LHFPL3: variants seen among roughly 807,000 people sequenced by gnomAD.
LHFPL3 encodes LHFPL tetraspan subfamily member 3 protein.
A neutral mutation model predicts 19.3 loss-of-function variants in LHFPL3; 5 were observed. That is an observed-to-expected ratio of 0.26 (90% CI 0.14 to 0.54). The LOEUF (loss-of-function observed/expected upper bound fraction) is 0.54. Ranked by LOEUF, LHFPL3 falls within the 20% of genes least tolerant of loss-of-function variation. LHFPL3 has a pLI of 0.94. For synonymous variants in LHFPL3, 133 were observed against 126.2 expected, an observed-to-expected ratio of 1.05 and a Z score of -0.36; for missense variants, 249 against 307.4, an observed-to-expected ratio of 0.81 and a Z score of 1.42.
chr7:104,710,662 A>G (rs1793285184), intron 1 of LHFPL3, among the ~76,000 whole-genome samples: 1 of 152,174 alleles, frequency 6.6e-6, no homozygotes, highest in Non-Finnish European at 1.5e-5. Context: ...TTTCTATAAA[A>G]TGGGGGTAAT....
In LHFPL3 at chr7:104,898,006, C is replaced by CT. The variant is rs71155536; in HGVS notation, c.683-8160dup. On this transcript the variant is annotated intron_variant, in intron 2 of 2. Coordinates refer to ENST00000424859, the MANE Select transcript of LHFPL3 (RefSeq NM_199000.3). Reference sequence around the variant, plus strand: ...CTGCTGACAGAAAGAAATGTCACCCCTTTTTTTTTTTTTTTTTTTTTGATA... The same window carrying CT: ...CTGCTGACAGAAAGAAATGTCACCCCTTTTTTTTTTTTTTTTTTTTTTGATA... Among the ~76,000 whole-genome samples the CT allele has an allele frequency of 4.6e-3, 449 of 96,784 alleles. 7 individuals carry two copies. Among genetic ancestry groups the CT allele is most frequent in the Middle Eastern group, 0.015 (2 of 132 alleles). The allele number at this position is 96,784 out of a possible 152,430, so 63.5% of individuals were successfully genotyped here.
At chr7:104,385,455 C>T (rs1226384888) in intron 1 of LHFPL3, among the ~76,000 whole-genome samples, 2 of 152,144 alleles carry the variant, frequency 1.3e-5, no homozygotes, top group Non-Finnish European at 2.9e-5. Flanking sequence ...TATGTGCTGA[C>T]AGACTGGTTT....
intron 1 of LHFPL3, among the ~76,000 whole-genome samples, chr7:104,465,558 A>G (rs1390492092): frequency 1.3e-5 from 2 of 152,238 alleles, no homozygotes; most frequent in African/African-American, 4.8e-5. Flanking sequence ...CAGGAAACGT[A>G]GCAGAAAGGG....
At chr7:104,705,383 C>A (rs924377003) in intron 1 of LHFPL3, among the ~76,000 whole-genome samples, 1 of 152,146 alleles carries the variant, frequency 6.6e-6, no homozygotes, top group African/African-American at 2.4e-5. Flanking sequence ...ACCACTATGT[C>A]ATTTCTCAAC....
At chr7:104,891,315 GTGAGGGCCTTCTGGC>G (rs1792241626) in intron 2 of LHFPL3, among the ~76,000 whole-genome samples, 1 of 152,076 alleles carries the variant, frequency 6.6e-6, no homozygotes, top group African/African-American at 2.4e-5. Context: ...GCTGCTTCTG[GTGAGGGCCTTCTGGC>G]TGCATCATAA....
chr7:104,432,094 T>C (rs2116561988), intron 1 of LHFPL3, among the ~76,000 whole-genome samples: 1 of 152,304 alleles, frequency 6.6e-6, no homozygotes, highest in South Asian at 2.1e-4. Flanking sequence ...AGCGTGAAGT[T>C]TAAATGCTCT....
At chr7:104,667,426 AT>A in intron 1 of LHFPL3, among the ~76,000 whole-genome samples, 1 of 152,254 alleles carries the variant, frequency 6.6e-6, no homozygotes, top group Non-Finnish European at 1.5e-5. Context: ...TACTTCGTAG[AT>A]TTGACTTTTC....
chr7:104,446,278 A>G (rs1421595443), intron 1 of LHFPL3, among the ~76,000 whole-genome samples: 2 of 152,200 alleles, frequency 1.3e-5, no homozygotes, highest in African/African-American at 4.8e-5. Context: ...AGATTGAAAA[A>G]CAAATATAAA....
At chr7:104,897,530 T>C (rs1435826904) in intron 2 of LHFPL3, among the ~76,000 whole-genome samples, 2 of 152,202 alleles carry the variant, frequency 1.3e-5, no homozygotes, top group African/African-American at 2.4e-5. Flanking sequence ...ACTAAGACCA[T>C]AGGTTCACAT....
At chr7:104,633,568 C>A (rs1228768954) in intron 1 of LHFPL3, among the ~76,000 whole-genome samples, 1 of 152,292 alleles carries the variant, frequency 6.6e-6, no homozygotes, top group East Asian at 1.9e-4. Flanking sequence ...GAAATCACCT[C>A]GGCTTGCCAT....
chr7:104,628,563 G>A (rs914576539), intron 1 of LHFPL3, among the ~76,000 whole-genome samples: 2 of 152,182 alleles, frequency 1.3e-5, no homozygotes, highest in Non-Finnish European at 2.9e-5. Flanking sequence ...TTGAGTCTAT[G>A]TTGTTGGAAT....
Position 104,467,101 on chromosome 7 carries a change from T to C in LHFPL3, c.445+137877T>C, listed in dbSNP as rs555992641. Among the ~76,000 whole-genome samples the C allele has an allele frequency of 5.1e-4, 77 of 152,312 alleles. 1 individual carries two copies. Among genetic ancestry groups the C allele is most frequent in the African/African-American group, 1.8e-3 (76 of 41,566 alleles). On this transcript the variant is annotated intron_variant, in intron 1 of 2. Transcript: ENST00000424859. ...TTTATTTTTTACTCCTTTACTTGCA[T>C]CTATGAAGTTCAATAGCACCTACAG...
intron 2 of LHFPL3, among the ~76,000 whole-genome samples, chr7:104,758,058 A>C (rs1794315343): frequency 1.3e-5 from 2 of 152,198 alleles, no homozygotes; most frequent in Non-Finnish European, 1.5e-5. Flanking sequence ...TTGCAGCAAC[A>C]TGGATCCAGC....
rs1584466228 is a variant in LHFPL3 at position 104,660,487 on chromosome 7, T to A, written c.446-76188T>A. Among the ~76,000 whole-genome samples the A allele has an allele frequency of 3.3e-5, 5 of 152,366 alleles. 1 individual carries two copies. The highest frequency in any genetic ancestry group is 1.2e-4 in the African/African-American group (5 of 41,588). Reference sequence around the variant, plus strand: ...CATTAGTCATGCCATGCTGCCTGTTTGTACTATGTCACGTTGTCTATTTCT... The same window carrying A: ...CATTAGTCATGCCATGCTGCCTGTTAGTACTATGTCACGTTGTCTATTTCT... On this transcript the variant is annotated intron_variant, in intron 1 of 2. Transcript: ENST00000424859.
At chr7:104,869,518 A>G (rs1261089559) in intron 2 of LHFPL3, among the ~76,000 whole-genome samples, 2 of 152,238 alleles carry the variant, frequency 1.3e-5, no homozygotes, top group South Asian at 4.1e-4. Context: ...CATCAGAGAA[A>G]TGCAAATCAA....
intron 1 of LHFPL3, among the ~76,000 whole-genome samples, chr7:104,518,855 A>G (rs1410090919): frequency 6.6e-6 from 1 of 152,116 alleles, no homozygotes; most frequent in African/African-American, 2.4e-5. Flanking sequence ...AGAATAAATA[A>G]AAAAACTGTG....
At chr7:104,839,592 C>T (rs990438259) in intron 2 of LHFPL3, among the ~76,000 whole-genome samples, 5 of 152,010 alleles carry the variant, frequency 3.3e-5, no homozygotes, top group African/African-American at 1.2e-4. Flanking sequence ...TCATTTGAAT[C>T]CAGGAAGTGG....
intron 2 of LHFPL3, among the ~76,000 whole-genome samples, chr7:104,848,055 T>C (rs1791344357): frequency 6.6e-6 from 1 of 152,214 alleles, no homozygotes; most frequent in Non-Finnish European, 1.5e-5. Context: ...TATGTTCTAA[T>C]GCGCTGGACA....
chr7:104,457,706 G>T (rs1792574999), intron 1 of LHFPL3, among the ~76,000 whole-genome samples: 1 of 141,778 alleles, frequency 7.1e-6, no homozygotes, highest in Non-Finnish European at 1.5e-5. Flanking sequence ...TTCCACAATG[G>T]TTGAACTAGT....
Sources: gnomAD v4.1 joint callset for allele counts (sites outside exome capture counted in the v4.1 genomes callset) on GRCh38, gnomAD v4.1.1 for gene constraint, MANE v1.5 for transcripts, NCBI Gene and HGNC (gene_info 2026-07-23, HGNC 2026-07-21) for gene names.